The following MICALL1 variants were observed in gnomAD, a reference collection of about 807,000 sequenced individuals.
The protein encoded by MICALL1 is MICAL-like protein 1.
A neutral mutation model predicts 83.7 loss-of-function variants in MICALL1; 61 were observed. The ratio of observed to expected loss-of-function variants is 0.73; its 90% CI spans 0.59 to 0.90. MICALL1 has a LOEUF of 0.90. MICALL1 is among the 40% of genes least tolerant of loss of function. The pLI, the probability that MICALL1 is intolerant of heterozygous loss-of-function variation, is 0.00. For missense variants in MICALL1, 1,066 were observed against 1,152.0 expected (o/e 0.93, Z 1.08); for synonymous variants, 481 against 473.6 (o/e 1.02, Z -0.20).
chr22:37,934,529 G>A (rs906100498), intron 13 of MICALL1, among the ~76,000 whole-genome samples: 6 of 152,088 alleles, frequency 3.9e-5, no homozygotes, highest in Non-Finnish European at 5.9e-5. Context: ...TAGGGGAAAG[G>A]GGCAGTGGCT....
At position 37,932,072 on chromosome 22, in the gene MICALL1, C is replaced by A; in HGVS notation, c.2016+139C>A. 3 of 1,291,540 alleles carry A rather than the reference C, an allele frequency of 2.3e-6. No homozygotes were observed. The highest frequency in any genetic ancestry group is 2.5e-5 in the East Asian group (1 of 40,650). The allele number at this position is 1,291,540 out of a possible 1,614,324, so 80.0% of individuals were successfully genotyped here. Reference sequence around the variant, plus strand: ...CAGATGCTCAAGAGAGCACTCTTGGCGGCCCAACTGGAAGGTCTAGCTTGC... The same window carrying A: ...CAGATGCTCAAGAGAGCACTCTTGGAGGCCCAACTGGAAGGTCTAGCTTGC... On this transcript the variant is annotated intron_variant, in intron 10 of 15. Coordinates refer to ENST00000215957, the MANE Select transcript of MICALL1 (RefSeq NM_033386.4). The surrounding 1 kb of genome is among the most constrained non-coding windows in gnomAD (Gnocchi z 4.4).
intron 5 of MICALL1, among the ~76,000 whole-genome samples, chr22:37,920,203 A>G (rs1928938636): frequency 6.6e-6 from 1 of 152,092 alleles, no homozygotes. Flanking sequence ...AGAGAGTGGT[A>G]TAAGCAGCAA....
intron 6 of MICALL1, among the ~76,000 whole-genome samples, chr22:37,923,554 C>T (rs1351693771): frequency 1.3e-5 from 2 of 152,212 alleles, no homozygotes; most frequent in East Asian, 1.9e-4. Flanking sequence ...ATTCCTGCCC[C>T]AAATGCCGAG....
At chr22:37,908,525 C>A (rs1928113268) in intron 1 of MICALL1, among the ~76,000 whole-genome samples, 1 of 152,130 alleles carries the variant, frequency 6.6e-6, no homozygotes. Flanking sequence ...GTCTTGAACT[C>A]TTGAGCTCAA....
chr22:37,922,576 A>G (rs1420370919), intron 6 of MICALL1, 150 bp downstream of exon 6: 2 of 105,274 alleles, frequency 1.9e-5, no homozygotes, highest in Non-Finnish European at 3.5e-5. Context: ...TTTTGAGGTT[A>G]TTATATATAT....
At chr22:37,940,338 G>A (rs779852917) in intron 15 of MICALL1, among the ~76,000 whole-genome samples, 11 of 151,220 alleles carry the variant, frequency 7.3e-5, no homozygotes, top group Non-Finnish European at 1.2e-4. Flanking sequence ...CAGGAGAATC[G>A]CCTGAACCCG....
intron 1 of MICALL1, among the ~76,000 whole-genome samples, chr22:37,910,173 G>T (rs1928228947): frequency 6.6e-6 from 1 of 152,242 alleles, no homozygotes; most frequent in African/African-American, 2.4e-5. Flanking sequence ...GGACAGAGAT[G>T]GGGGTGGAAG....
Position 37,933,110 on chromosome 22 carries a change from C to T in MICALL1, c.2306C>T (p.Pro769Leu). The T allele has an allele frequency of 6.2e-7, 1 of 1,613,616 alleles. No individual in the cohort carries two copies. Among genetic ancestry groups the T allele is most frequent in the Non-Finnish European group, 8.5e-7 (1 of 1,179,960 alleles). The change falls in exon 13 of 16, where the codon CCA becomes CTA. Residue 769 changes from proline (P) to leucine (L), a missense_variant and splice_region_variant. Coordinates refer to ENST00000215957, the MANE Select transcript of MICALL1 (RefSeq NM_033386.4). ...EYELRCLLNK[P>L]EKDWTEEDRA... The stretch of plus-strand genomic sequence containing the variant: ...GAGCTCCGGTGCCTCCTCAATAAGC[C>T]AGGTGAGTGCAGCCACTGGCACTCC...
chr22:37,922,093 C>T lies in MICALL1; in HGVS notation c.691C>T (p.Pro231Ser). The change falls in exon 6 of 16, where the codon CCT becomes TCT. Residue 231 changes from proline to serine, a missense_variant. Transcript: ENST00000215957. Reference sequence around the variant, plus strand: ...CCCGGGGACACGGTCGGGGACCAGGCCTGGGCCCTTCTCACAGCCAAAGCA... The same window carrying T: ...CCCGGGGACACGGTCGGGGACCAGGTCTGGGCCCTTCTCACAGCCAAAGCA... ...LGPGTRSGTRPGPFSQPKQQH... is the reference protein window; with the variant it reads ...LGPGTRSGTRSGPFSQPKQQH... The T allele has an allele frequency of 6.2e-7, 1 of 1,613,404 alleles. No homozygotes were observed. The highest frequency in any genetic ancestry group is 8.5e-7 in the Non-Finnish European group (1 of 1,180,004).
chr22:37,906,413 C>T lies in MICALL1; in HGVS notation c.-10C>T. The T allele has an allele frequency of 1.8e-6, 2 of 1,115,346 alleles. No individual in the cohort carries two copies. The highest frequency in any genetic ancestry group is 2.2e-6 in the Non-Finnish European group (2 of 913,326). 69.1% of individuals were successfully genotyped at this position (1,115,346 alleles called of 1,614,324 possible). On this transcript the variant is annotated 5_prime_UTR_variant, in exon 1 of 16. Transcript: ENST00000215957. The surrounding 1 kb of genome is among the most constrained non-coding windows in gnomAD (Gnocchi z 4.4). ...GAAGCCAGAGCCGGAGCCGGGCGGG[C>T]CGCGGGGTCATGGCTGGGCCGCGGG...
At chr22:37,914,924 G>A (rs559540392) in intron 3 of MICALL1, among the ~76,000 whole-genome samples, 1 of 150,460 alleles carries the variant, frequency 6.6e-6, no homozygotes, top group Admixed American at 6.6e-5. Context: ...TTACAGGCAT[G>A]AGCCACTATG....
intron 13 of MICALL1, among the ~76,000 whole-genome samples, chr22:37,934,633 G>A (rs996801443): frequency 1.3e-5 from 2 of 150,330 alleles, no homozygotes; most frequent in African/African-American, 2.4e-5. Flanking sequence ...GTCTCACTCT[G>A]TCGCCCAGGC....
At chr22:37,937,701 G>A (rs1427027704) in intron 14 of MICALL1, 45 bp from the exon 15 acceptor site, 6 of 1,604,806 alleles carry the variant, frequency 3.7e-6, no homozygotes, top group Middle Eastern at 1.7e-4. Context: ...TGGGATTACA[G>A]GTGTGAGCCA....
chr22:37,917,344 T>C (rs1314357249), intron 3 of MICALL1, among the ~76,000 whole-genome samples: 1 of 152,204 alleles, frequency 6.6e-6, no homozygotes, highest in Non-Finnish European at 1.5e-5. Context: ...ATATGGTTCC[T>C]TTCTTTTCCT....
Position 37,937,132 on chromosome 22 carries a change from G to C in MICALL1, c.2361G>C (p.Glu787Asp). The C allele has an allele frequency of 6.4e-7, 1 of 1,551,628 alleles. No individual in the cohort carries two copies. The change falls in exon 14 of 16, where the codon GAG becomes GAC. Residue 787 changes from glutamate to aspartate, a missense_variant. Transcript: ENST00000215957. ...CCCGGGAGAAGGTGCTGATGCAGGA[G>C]CTTGTGACCCTCATTGAGCAGCGCA... is the stretch of plus-strand genomic sequence containing the variant. ...DRAREKVLMQ[E>D]LVTLIEQRNA...
rs561018142 is a variant in MICALL1, at chr22:37,924,892, G to A, written c.1082+175G>A. 4.6e-5 allele frequency among the ~76,000 whole-genome samples: 7 copies of A among 152,226 alleles called. No homozygotes were observed. Among genetic ancestry groups the A allele is most frequent in the Admixed American group, 1.3e-4 (2 of 15,292 alleles). On this transcript the variant is annotated intron_variant, in intron 7 of 15. Coordinates refer to ENST00000215957, the MANE Select transcript of MICALL1 (RefSeq NM_033386.4). This position sits in a 1 kb window ranked among gnomAD's most constrained non-coding sequence, Gnocchi z 5.2. ...CTGAGGCTCACCCCGGGATTCCTGCGGCCAGTGCCTGGCCCCCTCCCCAGG... is the reference window on the plus strand; with the variant it reads ...CTGAGGCTCACCCCGGGATTCCTGCAGCCAGTGCCTGGCCCCCTCCCCAGG...
At position 37,917,769 on chromosome 22, in the gene MICALL1, C is replaced by G. The variant is rs1928770568; in HGVS notation, c.400C>G (p.Pro134Ala). 6.2e-7 allele frequency: 1 copy of G among 1,613,882 alleles called. No homozygotes were observed. The highest frequency in any genetic ancestry group is 2.2e-5 in the East Asian group (1 of 44,880). The change falls in exon 4 of 16, where the codon CCA becomes GCA. Residue 134 changes from proline (P) to alanine (A), a missense_variant. Transcript: ENST00000215957. ...TTCCCCGCCGTCTGTAGCACCCACT[C>G]CAGTGGAACCAGAAGATGTGGCTCA... ...PCSPPSVAPTPVEPEDVAQGE... is the reference protein window; with the variant it reads ...PCSPPSVAPTAVEPEDVAQGE...
Position 37,932,643 on chromosome 22 carries a change from G to T in MICALL1, c.2107G>T (p.Val703Leu), listed in dbSNP as rs777052470. ...RRLDALEHRG[V>L]LLEEKLRGGL... is the part of the protein sequence containing the mutation. ...GCTGGATGCCCTGGAGCACCGTGGG[G>T]TGCTGCTGGAGGAGAAGCTGCGTGG... is the stretch of plus-strand genomic sequence containing the variant. Residue 703 changes from valine (V) to leucine (L), a missense_variant, in exon 11 of 16, where the codon GTG becomes TTG. Val to Leu is a conservative substitution (Grantham distance 32). Coordinates refer to ENST00000215957, the MANE Select transcript of MICALL1 (RefSeq NM_033386.4). This position sits in a 1 kb window ranked among gnomAD's most constrained non-coding sequence, Gnocchi z 4.4. 2.5e-6 allele frequency: 4 copies of T among 1,614,128 alleles called. No individual in the cohort carries two copies. Among genetic ancestry groups the T allele is most frequent in the Non-Finnish European group, 3.4e-6 (4 of 1,180,012 alleles).
chr22:37,935,386 G>A (rs1209959168), intron 13 of MICALL1, among the ~76,000 whole-genome samples: 9 of 138,656 alleles, frequency 6.5e-5, no homozygotes, highest in Non-Finnish European at 7.9e-5. Context: ...TCAGCCTCCC[G>A]TGTAGCTGGG....
Sources: gnomAD v4.1 joint callset for allele counts (sites outside exome capture counted in the v4.1 genomes callset) on GRCh38, gnomAD v4.1.1 for gene constraint, Gnocchi (gnomAD v3.1) non-coding constraint, MANE v1.5 for transcripts, NCBI Gene and HGNC (gene_info 2026-07-23, HGNC 2026-07-21) for gene names.